The following HEATR5B variants were observed in gnomAD, a reference collection of about 807,000 sequenced individuals.
HEATR5B encodes the protein HEAT repeat-containing protein 5B.
In HEATR5B, 156 loss-of-function variants were observed where a neutral mutation model predicts 224.1. The observed-to-expected ratio is 0.70, with a 90% confidence interval of 0.61 to 0.80. The LOEUF is 0.80. HEATR5B is among the 30% of genes least tolerant of loss of function. The pLI is 0.00. For synonymous variants in HEATR5B, 1,027 were observed against 893.0 expected (o/e 1.15, Z -2.68); for missense variants, 2,323 against 2,535.5 (o/e 0.92, Z 1.80).
At chr2:37,027,863 C>A (rs1668877889) in intron 24 of HEATR5B, 60 bp downstream of exon 24, 2 of 1,543,822 alleles carry the variant, frequency 1.3e-6, no homozygotes, top group Non-Finnish European at 8.9e-7. Flanking sequence ...TATCTCATAG[C>A]AGCAAAATGT....
chr2:37,082,052 C>CTTTTTTTT (rs61036576), intron 2 of HEATR5B, among the ~76,000 whole-genome samples: 4 of 23,958 alleles, frequency 1.7e-4, no homozygotes, highest in Admixed American at 1.9e-3. Context: ...GAAGTATCTA[C>CTTTTTTTT]TTTTTTTTTT....
intron 33 of HEATR5B, among the ~76,000 whole-genome samples, chr2:36,992,329 C>T (rs1666385926): frequency 6.6e-6 from 1 of 152,080 alleles, no homozygotes; most frequent in Non-Finnish European, 1.5e-5. Context: ...TCCTGTAATC[C>T]CAGCACTTTG....
At chr2:37,070,509 A>G in intron 6 of HEATR5B, 122 bp from the exon 7 acceptor site, 4 of 747,606 alleles carry the variant, frequency 5.4e-6, no homozygotes, top group Non-Finnish European at 8.2e-6. Context: ...GTTTCCTTAT[A>G]ATTGTTTTCT....
At chr2:37,044,485 T>TA (rs1451064169) in intron 18 of HEATR5B, among the ~76,000 whole-genome samples, 1 of 152,248 alleles carries the variant, frequency 6.6e-6, no homozygotes, top group Non-Finnish European at 1.5e-5. Flanking sequence ...CATTTATGAA[T>TA]ACATCACTAT....
At position 36,981,620 on chromosome 2, in the gene HEATR5B, G is replaced by C. The variant is rs1040613761; in HGVS notation, c.6086C>G (p.Pro2029Arg). The change falls in exon 36 of 36, where the codon CCT becomes CGT. Residue 2029 changes from proline to arginine, a missense_variant. Pro to Arg is a moderately radical substitution (Grantham distance 103). Transcript: ENST00000233099. ...AGTTTCTAGACGCACTTTCAACTCA[G>C]GAGCAGCCCCCATTACTGTCTTGAA... ...HAFKTVMGAA[P>R]ELKVRLETAV... 6.2e-7 allele frequency: 1 copy of C among 1,614,182 alleles called. No individual in the cohort carries two copies.
intron 24 of HEATR5B, among the ~76,000 whole-genome samples, chr2:37,023,885 T>C (rs529414154): frequency 1.3e-5 from 2 of 152,246 alleles, no homozygotes; most frequent in South Asian, 4.1e-4. Context: ...CAGTGCTTCC[T>C]CACCTATAGG....
At chr2:37,040,232 T>G in intron 20 of HEATR5B, 97 bp downstream of exon 20, 1 of 986,336 alleles carries the variant, frequency 1.0e-6, no homozygotes, top group Non-Finnish European at 1.6e-6. Flanking sequence ...GTAATTGTTA[T>G]TACAAAATTT....
At position 37,062,021 on chromosome 2, in the gene HEATR5B, T is replaced by A; in HGVS notation, c.1614A>T (p.Leu538Phe). The stretch of plus-strand genomic sequence containing the variant: ...GCCTGCTATTTTGGGCAGCAGTTCG[T>A]AAAAGATCTTCAGCAATACTAACTA... ...KMVVSIAEDL[L>F]RTAAQNSRLS... The change falls in exon 11 of 36, where the codon TTA (leucine) becomes TTT (phenylalanine). Residue 538 changes from leucine to phenylalanine, a missense_variant. Transcript: ENST00000233099. 1 of 1,613,420 alleles carries A rather than the reference T, an allele frequency of 6.2e-7. No homozygotes were observed. Among genetic ancestry groups the A allele is most frequent in the Non-Finnish European group, 8.5e-7 (1 of 1,179,384 alleles).
Position 37,002,317 on chromosome 2 carries a change from C to A in HEATR5B, c.5306G>T (p.Cys1769Phe). ...GATCAATACCGTACCAGCGGGTGAACAAAGGGATGGTAAATCAGAGAGTAT... is the reference window on the plus strand; with the variant it reads ...GATCAATACCGTACCAGCGGGTGAAAAAAGGGATGGTAAATCAGAGAGTAT... ...VTILSDLPSL[C>F]SPAGCMTILP... Residue 1769 changes from cysteine (C) to phenylalanine (F), a missense_variant, in exon 32 of 36, where the codon TGT becomes TTT. Coordinates refer to ENST00000233099, the MANE Select transcript of HEATR5B (RefSeq NM_019024.3). The A allele has an allele frequency of 6.2e-7, 1 of 1,614,134 alleles. No individual in the cohort carries two copies.
At chr2:37,033,091 G>T (rs1411128750) in intron 21 of HEATR5B, among the ~76,000 whole-genome samples, 1 of 151,976 alleles carries the variant, frequency 6.6e-6, no homozygotes, top group Non-Finnish European at 1.5e-5. Context: ...ACGTTGGCCA[G>T]GCTGGTTTCG....
At chr2:36,984,200 C>CAAAAAAAAAAAAAAAAAAAA (rs1208435239) in intron 35 of HEATR5B, among the ~76,000 whole-genome samples, 5 of 28,990 alleles carry the variant, frequency 1.7e-4, no homozygotes, top group South Asian at 1.1e-3. Flanking sequence ...AACTCTGTCT[C>CAAAAAAAAAAAAAAAAAAAA]AAAAAAAAAA....
At chr2:37,081,497 G>A (rs1289436182) in intron 2 of HEATR5B, among the ~76,000 whole-genome samples, 3 of 152,096 alleles carry the variant, frequency 2.0e-5, no homozygotes, top group African/African-American at 7.2e-5. Context: ...TTCCCAACAG[G>A]GAAAGCTGCA....
chr2:36,983,661 G>A (rs1025646744), intron 35 of HEATR5B, among the ~76,000 whole-genome samples: 1 of 152,102 alleles, frequency 6.6e-6, no homozygotes. Context: ...CTGGGAGGCA[G>A]AGGTCTCAGC....
At chr2:37,070,795 G>C (rs1230710458) in intron 6 of HEATR5B, among the ~76,000 whole-genome samples, 1 of 152,138 alleles carries the variant, frequency 6.6e-6, no homozygotes, top group Non-Finnish European at 1.5e-5. Flanking sequence ...ATGTTACTGG[G>C]AATGCAACTG....
chr2:37,083,342 A>G lies in HEATR5B; in HGVS notation c.73T>C (p.Phe25Leu), dbSNP rs754326420. The G allele has an allele frequency of 4.3e-6, 7 of 1,614,082 alleles. No individual in the cohort carries two copies. The East Asian group carries it at 1.6e-4, about 36-fold the overall frequency. Residue 25 changes from phenylalanine to leucine, a missense_variant, in exon 2 of 36, where the codon TTC (phenylalanine) becomes CTC (leucine). Transcript: ENST00000233099. ...AQITEAKRPV[F>L]IFEWLRFLDK... ...AGAAATCGCAACCATTCAAAGATGA[A>G]AACTGGTCTTTTTGCTTCGGTGATT...
In HEATR5B at chr2:36,981,528, A is replaced by G; in HGVS notation, c.6178T>C (p.Ser2060Pro). ...GTTTTTAGCTTAATTGTTGGTGCAG[A>G]ATGTATGGCGGGGGCTGGTTGTCTG... is the stretch of plus-strand genomic sequence containing the variant. ...AARQPAPAIH[S>P]APTIKLKTSF... The change falls in exon 36 of 36, where the codon TCT becomes CCT. Residue 2060 changes from serine (S) to proline (P), a missense_variant. This residue lies in a region of HEATR5B where 844 missense variants were observed against 812.9 expected (regional missense o/e 1.04). Coordinates refer to ENST00000233099, the MANE Select transcript of HEATR5B (RefSeq NM_019024.3). 1 of 1,613,310 alleles carries G rather than the reference A, an allele frequency of 6.2e-7. No homozygotes were observed. The highest frequency in any genetic ancestry group is 8.5e-7 in the Non-Finnish European group (1 of 1,179,700).
intron 21 of HEATR5B, among the ~76,000 whole-genome samples, chr2:37,036,465 T>C (rs989879938): frequency 1.3e-5 from 2 of 152,184 alleles, no homozygotes; most frequent in Admixed American, 6.5e-5. Flanking sequence ...TATCATGCCC[T>C]TTGTAAACTA....
intron 33 of HEATR5B, among the ~76,000 whole-genome samples, chr2:36,993,085 T>C (rs1300807456): frequency 1.3e-5 from 2 of 152,110 alleles, no homozygotes; most frequent in African/African-American, 4.8e-5. Flanking sequence ...ATTTTTCTAC[T>C]GAAAGGAATC....
chr2:37,060,142 G>A (rs1335160599), intron 12 of HEATR5B, among the ~76,000 whole-genome samples: 1 of 152,146 alleles, frequency 6.6e-6, no homozygotes, highest in Non-Finnish European at 1.5e-5. Context: ...AATATATGAA[G>A]GTTTGGAGAT....
Sources: allele counts gnomAD v4.1 joint callset (sites outside exome capture counted in the v4.1 genomes callset), GRCh38; gene constraint gnomAD v4.1.1; regional missense constraint gnomAD v4.1.1; transcripts MANE v1.5; gene names NCBI Gene and HGNC (gene_info 2026-07-23, HGNC 2026-07-21).